RGS8: variants seen among roughly 807,000 people sequenced by gnomAD.
RGS8 encodes regulator of G protein signaling 8.
In RGS8, 8 loss-of-function variants were observed where a neutral mutation model predicts 21.7. That is an observed-to-expected ratio of 0.37 (90% CI 0.22 to 0.66). The LOEUF (loss-of-function observed/expected upper bound fraction) is 0.66, where lower values mean the gene tolerates loss of function less well. Among genes scored for constraint, RGS8 ranks in the 30% least tolerant of loss-of-function variants. The pLI is 0.59. For synonymous variants in RGS8, 80 were observed against 83.6 expected (o/e 0.96, Z 0.24); for missense variants, 157 against 217.9 (o/e 0.72, Z 1.76).
the RGS8 span, among the ~76,000 whole-genome samples, chr1:182,693,421 A>T: frequency 3.1e-3 from 475 of 152,358 alleles, 5 homozygotes; most frequent in South Asian, 0.02. Context: ...ACAATGAGAT[A>T]CCATCTCACA....
At chr1:182,642,017 C>A (rs1041066688), downstream of RGS8, 1 of 152,222 alleles carries the variant, frequency 6.6e-6, no homozygotes, top group African/African-American at 2.4e-5. Flanking sequence ...GAGCGCACAC[C>A]GAGCCCAGCC....
the RGS8 span, among the ~76,000 whole-genome samples, chr1:182,750,987 C>T: frequency 8.5e-5 from 13 of 152,210 alleles, no homozygotes; most frequent in Admixed American, 8.5e-4. Context: ...GGAGAGGGGA[C>T]ATTTGCATCT....
the RGS8 span, among the ~76,000 whole-genome samples, chr1:182,722,799 A>ACC: frequency 1.3e-5 from 2 of 151,630 alleles, no homozygotes; most frequent in African/African-American, 4.9e-5. Context: ...ACACGGTGAA[A>ACC]CCCCGTCTCT....
At chr1:182,740,544 G>GTTTTT in the RGS8 span, among the ~76,000 whole-genome samples, 3 of 103,322 alleles carry the variant, frequency 2.9e-5, no homozygotes, top group Non-Finnish European at 3.9e-5. Flanking sequence ...TTTTTTGTTT[G>GTTTTT]TTTGTTTTTT....
upstream of RGS8, among the ~76,000 whole-genome samples, chr1:182,685,513 A>C (rs1664680371): frequency 1.3e-5 from 2 of 152,224 alleles, no homozygotes; most frequent in Non-Finnish European, 2.9e-5. Context: ...TCAACAAACC[A>C]TGGAAGACAG....
the RGS8 span, among the ~76,000 whole-genome samples, chr1:182,690,441 C>T: frequency 1.3e-5 from 2 of 152,354 alleles, no homozygotes; most frequent in African/African-American, 2.4e-5. Flanking sequence ...TTGTACCTCT[C>T]ACCCTAGGTT....
At chr1:182,706,629 G>T in the RGS8 span, among the ~76,000 whole-genome samples, 1 of 151,556 alleles carries the variant, frequency 6.6e-6, no homozygotes, top group Non-Finnish European at 1.5e-5. Flanking sequence ...ACCACGCCTG[G>T]CTAATTTTTG....
chr1:182,659,840 A>AATTTACC (rs1649719466), intron 5 of RGS8, among the ~76,000 whole-genome samples: 2 of 152,210 alleles, frequency 1.3e-5, no homozygotes, highest in Admixed American at 6.5e-5. Flanking sequence ...GAATATATCA[A>AATTTACC]ATTTACCTTC....
At chr1:182,653,961 G>T (rs191210737) in intron 5 of RGS8, among the ~76,000 whole-genome samples, 43 of 152,246 alleles carry the variant, frequency 2.8e-4, no homozygotes, top group African/African-American at 9.6e-4. Flanking sequence ...GAAAGGTAGG[G>T]TGTTGTTTTT....
the RGS8 span, among the ~76,000 whole-genome samples, chr1:182,723,551 A>G: frequency 4.6e-5 from 7 of 152,356 alleles, no homozygotes; most frequent in African/African-American, 1.7e-4. Flanking sequence ...AGTGCTTAAG[A>G]CAGAAATTGC....
intron 3 of RGS8, 44 bp downstream of exon 4, chr1:182,669,580 G>A: frequency 6.2e-7 from 1 of 1,614,114 alleles, no homozygotes; most frequent in Non-Finnish European, 8.5e-7. Flanking sequence ...GTGGAGAAAA[G>A]AGGAAAGGGT....
the RGS8 span, among the ~76,000 whole-genome samples, chr1:182,695,401 C>T: frequency 2.6e-5 from 4 of 152,296 alleles, no homozygotes; most frequent in East Asian, 7.7e-4. Flanking sequence ...TTTTAGCACA[C>T]TCAGAGCTAT....
chr1:182,681,806 T>C (rs1189226596), intron 1 of RGS8, among the ~76,000 whole-genome samples: 1 of 152,204 alleles, frequency 6.6e-6, no homozygotes, highest in African/African-American at 2.4e-5. Flanking sequence ...CCCTGACACT[T>C]TTCCTTGAGA....
chr1:182,690,753 G>A, the RGS8 span, among the ~76,000 whole-genome samples: 1 of 152,160 alleles, frequency 6.6e-6, no homozygotes, highest in Admixed American at 6.6e-5. Context: ...TGAAGTGATG[G>A]CCCTTCATTT....
chr1:182,697,508 T>C, the RGS8 span, among the ~76,000 whole-genome samples: 1 of 152,240 alleles, frequency 6.6e-6, no homozygotes, highest in Non-Finnish European at 1.5e-5. Flanking sequence ...CTTCGGCTAT[T>C]GTTAAAAATA....
chr1:182,726,783 A>T, the RGS8 span, among the ~76,000 whole-genome samples: 1 of 152,198 alleles, frequency 6.6e-6, no homozygotes, highest in Non-Finnish European at 1.5e-5. Flanking sequence ...AGCCATCTTC[A>T]TGAATAGCCT....
the RGS8 span, among the ~76,000 whole-genome samples, chr1:182,722,691 G>A: frequency 6.6e-6 from 1 of 152,068 alleles, no homozygotes; most frequent in East Asian, 1.9e-4. Context: ...AAAGATGCCA[G>A]TCAGGCCGGG....
the RGS8 span, among the ~76,000 whole-genome samples, chr1:182,738,162 C>A: frequency 6.6e-6 from 1 of 152,182 alleles, no homozygotes; most frequent in African/African-American, 2.4e-5. Flanking sequence ...GTATTCACAT[C>A]TAAGATAAAA....
the RGS8 span, among the ~76,000 whole-genome samples, chr1:182,714,009 G>A: frequency 6.6e-6 from 1 of 152,088 alleles, no homozygotes; most frequent in Admixed American, 6.6e-5. Context: ...CATATTTATA[G>A]ACATTTTCTA....
Sources: gnomAD v4.1 joint callset for allele counts (sites outside exome capture counted in the v4.1 genomes callset) on GRCh38, gnomAD v4.1.1 for gene constraint, MANE v1.5 for transcripts, NCBI Gene and HGNC (gene_info 2026-07-23, HGNC 2026-07-21) for gene names.